P4HA3: variants seen among roughly 807,000 people sequenced by gnomAD.
The protein encoded by P4HA3 is prolyl 4-hydroxylase subunit alpha-3.
A neutral mutation model predicts 66.7 loss-of-function variants in P4HA3; 60 were observed. The ratio of observed to expected loss-of-function variants is 0.90; its 90% CI spans 0.73 to 1.12. The LOEUF is 1.12. Ranked by LOEUF, P4HA3 falls within the 50% of genes most tolerant of loss-of-function variation. P4HA3 has a pLI of 0.00. For synonymous variants in P4HA3, 263 were observed against 274.6 expected, an observed-to-expected ratio of 0.96 and a Z score of 0.42; for missense variants, 683 against 685.8, an observed-to-expected ratio of 1.00 and a Z score of 0.05.
intron 1 of P4HA3, among the ~76,000 whole-genome samples, chr11:74,307,530 A>G (rs953067285): frequency 3.3e-5 from 5 of 152,190 alleles, no homozygotes; most frequent in African/African-American, 1.2e-4. Context: ...TCTGTCACAC[A>G]AAGAAAAAAA....
chr11:74,293,075 G>T (rs1222182310), intron 4 of P4HA3, among the ~76,000 whole-genome samples: 1 of 151,960 alleles, frequency 6.6e-6, no homozygotes, highest in African/African-American at 2.4e-5. Flanking sequence ...TATTGTGTGG[G>T]AGTCTAAGTC....
intron 15 of P4HA3, chr11:74,251,033 C>T (rs747486843): frequency 3.2e-6 from 5 of 1,583,214 alleles, no homozygotes; most frequent in Non-Finnish European, 4.3e-6. Flanking sequence ...GTCTGGTGCT[C>T]AGTGACTGTA....
Position 74,302,354 on chromosome 11 carries a change from C to T in P4HA3, c.567+15G>A, listed in dbSNP as rs757383285. On this transcript the variant is annotated intron_variant, in intron 3 of 12. Transcript: ENST00000331597. ...ACCAGAGCCAAGCAATTGGCCCTCT[C>T]TTGAATATTGTTACCTTGCCAACTT... The T allele has an allele frequency of 5.0e-6, 8 of 1,605,568 alleles. No individual in the cohort carries two copies. The South Asian group carries it at 8.9e-5, about 18-fold the overall frequency.
intron 15 of P4HA3, chr11:74,250,769 T>C: frequency 1.7e-6 from 1 of 577,806 alleles, no homozygotes. Context: ...TGAAGGGAAA[T>C]GATTGGCGCA....
At position 74,302,596 on chromosome 11, in the gene P4HA3, T is replaced by C. The variant is rs1262913429; in HGVS notation, c.344-4A>G. 6.2e-7 allele frequency: 1 copy of C among 1,606,740 alleles called. No homozygotes were observed. Among genetic ancestry groups the C allele is most frequent in the East Asian group, 2.2e-5 (1 of 44,778 alleles). ...TTCTCATAGCCATCCTTCAGAGCTGTAAAAGTAGTAAAAACATCAACCCAG... is the reference window on the plus strand; with the variant it reads ...TTCTCATAGCCATCCTTCAGAGCTGCAAAAGTAGTAAAAACATCAACCCAG... On this transcript the variant is annotated splice_region_variant and splice_polypyrimidine_tract_variant and intron_variant, in intron 2 of 12. Coordinates refer to ENST00000331597, the MANE Select transcript of P4HA3 (RefSeq NM_182904.5).
chr11:74,275,757 A>G (rs999221765), intron 9 of P4HA3, among the ~76,000 whole-genome samples: 6 of 152,178 alleles, frequency 3.9e-5, no homozygotes, highest in African/African-American at 1.4e-4. Flanking sequence ...TTATAGATCA[A>G]TTTTGGGGAG....
chr11:74,252,560 G>A, intron 15 of P4HA3: 1 of 454,470 alleles, frequency 2.2e-6, no homozygotes, highest in African/African-American at 2.0e-5. Context: ...CTCTAGAGCA[G>A]GGTTTTCAAC....
intron 1 of P4HA3, 39 bp downstream of exon 1, chr11:74,311,373 C>A: frequency 1.4e-6 from 2 of 1,462,380 alleles, no homozygotes; most frequent in Non-Finnish European, 1.8e-6. Flanking sequence ...GTGTATCCCA[C>A]TGAGGCCCCT....
intron 2 of P4HA3, among the ~76,000 whole-genome samples, chr11:74,303,900 A>G (rs12417835): frequency 0.04 from 6,054 of 152,208 alleles, 127 homozygotes; most frequent in Middle Eastern, 0.1. Flanking sequence ...AACTTCTTAC[A>G]GCACAAAGTA....
chr11:74,265,063 A>G (rs138432660), downstream of P4HA3, among the ~76,000 whole-genome samples: 3 of 152,228 alleles, frequency 2.0e-5, no homozygotes, highest in East Asian at 5.8e-4. Context: ...AACTGTATTG[A>G]CCTCAAAGGG....
At chr11:74,251,327 C>T in intron 15 of P4HA3, 2 of 1,361,984 alleles carry the variant, frequency 1.5e-6, no homozygotes, top group South Asian at 3.8e-5. Context: ...AGGGTAGAAA[C>T]TGCTCCCTAA....
chr11:74,285,174 G>A (rs1844018908), intron 7 of P4HA3, among the ~76,000 whole-genome samples: 1 of 152,060 alleles, frequency 6.6e-6, no homozygotes, highest in African/African-American at 2.4e-5. Context: ...ACTACACTGA[G>A]AATAACTGAA....
At chr11:74,287,257 A>C (rs1860830377) in intron 5 of P4HA3, 1 of 1,289,404 alleles carries the variant, frequency 7.8e-7, no homozygotes, top group Non-Finnish European at 1.0e-6. Flanking sequence ...TCTTTCTCTG[A>C]GGAGCCCAGT....
chr11:74,290,979 A>C lies in P4HA3; in HGVS notation c.718-1849T>G, dbSNP rs191124536. On this transcript the variant is annotated intron_variant, in intron 4 of 12. Coordinates refer to ENST00000331597, the MANE Select transcript of P4HA3 (RefSeq NM_182904.5). ...TAAAGTAGTTTTTTCCAATTCTGTGAAGAAAGTCATTGGTAGCTTGATGCA... is the reference window on the plus strand; with the variant it reads ...TAAAGTAGTTTTTTCCAATTCTGTGCAGAAAGTCATTGGTAGCTTGATGCA... Among the ~76,000 whole-genome samples the C allele has an allele frequency of 3.1e-3, 478 of 152,334 alleles. 3 individuals carry two copies. The Middle Eastern group carries it at 0.034, about 11-fold the overall frequency.
Position 74,302,569 on chromosome 11 carries a change from C to G in P4HA3, c.367G>C (p.Val123Leu). ...TCAAAGGCTGGAAGGTCTTGCTCCA[C>G]CTTCTCATAGCCATCCTTCAGAGCT... is the stretch of plus-strand genomic sequence containing the variant. ...IRALKDGYEKVEQDLPAFEDL... is the reference protein window; with the variant it reads ...IRALKDGYEKLEQDLPAFEDL... The change falls in exon 3 of 13, where the codon GTG (valine) becomes CTG (leucine). Residue 123 changes from valine (V) to leucine (L), a missense_variant. Physicochemically the swap from Val to Leu is conservative, Grantham distance 32 (BLOSUM62 1). Coordinates refer to ENST00000331597, the MANE Select transcript of P4HA3 (RefSeq NM_182904.5). The G allele has an allele frequency of 6.2e-7, 1 of 1,614,048 alleles. No homozygotes were observed. The highest frequency in any genetic ancestry group is 8.5e-7 in the Non-Finnish European group (1 of 1,179,988).
At chr11:74,285,762 A>C (rs1312228809) in intron 7 of P4HA3, 47 bp downstream of exon 7, 1 of 1,577,378 alleles carries the variant, frequency 6.3e-7, no homozygotes, top group Non-Finnish European at 8.7e-7. Flanking sequence ...AACTCCAGGC[A>C]TGTGAAGATG....
At position 74,304,196 on chromosome 11, in the gene P4HA3, C is replaced by A. The variant is rs1730285782; in HGVS notation, c.343+74G>T. On this transcript the variant is annotated intron_variant, in intron 2 of 12. Coordinates refer to ENST00000331597, the MANE Select transcript of P4HA3 (RefSeq NM_182904.5). ...ATTACCCTTTGAAATCACATCCCAA[C>A]AGAATCTCTCTCCTTACCACCGAGT... 8 of 1,553,936 alleles carry A rather than the reference C, an allele frequency of 5.1e-6. No homozygotes were observed. In the South Asian group the frequency reaches 6.9e-5, roughly 13 times the overall value.
chr11:74,296,773 C>T (rs1011125295), intron 4 of P4HA3, among the ~76,000 whole-genome samples: 1 of 152,178 alleles, frequency 6.6e-6, no homozygotes, highest in African/African-American at 2.4e-5. Context: ...AGTTTCTCTT[C>T]TCTGAGTCTT....
intron 1 of P4HA3, among the ~76,000 whole-genome samples, chr11:74,304,858 G>A (rs1161738517): frequency 6.6e-6 from 1 of 152,144 alleles, no homozygotes; most frequent in East Asian, 1.9e-4. Flanking sequence ...CTAGTTTCAT[G>A]GAAAACAATT....
Sources: allele counts gnomAD v4.1 joint callset (sites outside exome capture counted in the v4.1 genomes callset), GRCh38; gene constraint gnomAD v4.1.1; transcripts MANE v1.5; gene names NCBI Gene and HGNC (gene_info 2026-07-23, HGNC 2026-07-21).